Variants in ITPKB observed in about 807,000 individuals in gnomAD.
The protein encoded by ITPKB is inositol-trisphosphate 3-kinase B.
Under a neutral mutation model 69.4 loss-of-function variants are expected in ITPKB, and 13 were observed. The ratio of observed to expected loss-of-function variants is 0.19; its 90% CI spans 0.12 to 0.30. The LOEUF (loss-of-function observed/expected upper bound fraction) is 0.30, where lower values mean the gene tolerates loss of function less well. Ranked by LOEUF, ITPKB falls within the 10% of genes least tolerant of loss-of-function variation. The probability of loss-of-function intolerance (pLI) is 1.00; values close to 1 mark genes in which losing one functional copy is unlikely to be tolerated. For synonymous variants in ITPKB, 584 were observed against 513.7 expected, an observed-to-expected ratio of 1.14 and a Z score of -1.85; for missense variants, 1,240 against 1,250.5, an observed-to-expected ratio of 0.99 and a Z score of 0.13.
chr1:226,650,897 T>C (rs1380372244), intron 2 of ITPKB, among the ~76,000 whole-genome samples: 9 of 152,168 alleles, frequency 5.9e-5, no homozygotes, highest in Non-Finnish European at 1.5e-5. Flanking sequence ...ATGGACACTC[T>C]AGGGCCCTGG....
At position 226,735,583 on chromosome 1, in the gene ITPKB, T is replaced by C; in HGVS notation, c.1876A>G (p.Thr626Ala). The C allele has an allele frequency of 6.3e-7, 1 of 1,580,068 alleles. No homozygotes were observed. Among genetic ancestry groups the C allele is most frequent in the Non-Finnish European group, 8.6e-7 (1 of 1,163,480 alleles). The change falls in exon 2 of 8, where the codon ACC (threonine) becomes GCC (alanine). Residue 626 changes from threonine (T) to alanine (A), a missense_variant. Physicochemically the swap from Thr to Ala is moderately conservative, Grantham distance 58. This residue lies in a region of ITPKB where 992 missense variants were observed against 853.8 expected (regional missense o/e 1.16). Transcript: ENST00000429204. The part of the protein sequence containing the change: ...EEDISSDPER[T>A]LDPNSAFLHT... ...AGGAAGGCTGAGTTGGGGTCCAGGG[T>C]GCGCTCAGGGTCACTGGAGATGTCC...
intron 2 of ITPKB, among the ~76,000 whole-genome samples, chr1:226,675,809 A>G (rs2102770100): frequency 6.6e-6 from 1 of 152,328 alleles, no homozygotes; most frequent in South Asian, 2.1e-4. Flanking sequence ...AGTCTGCATA[A>G]AGCCTTCTTG....
chr1:226,695,920 C>T (rs548922119), intron 2 of ITPKB, among the ~76,000 whole-genome samples: 2 of 152,130 alleles, frequency 1.3e-5, no homozygotes, highest in Admixed American at 6.5e-5. Context: ...GGGGAGGAAA[C>T]GGATGCAAGG....
At chr1:226,648,156 C>A (rs992862626) in intron 3 of ITPKB, among the ~76,000 whole-genome samples, 4 of 152,224 alleles carry the variant, frequency 2.6e-5, no homozygotes, top group Non-Finnish European at 5.9e-5. Context: ...CCGCACACCG[C>A]CCTGCAGTTA....
chr1:226,655,005 T>G (rs1669263753), intron 2 of ITPKB, among the ~76,000 whole-genome samples: 7 of 123,950 alleles, frequency 5.6e-5, no homozygotes, highest in African/African-American at 9.7e-5. Flanking sequence ...AGGAGGAGGG[T>G]ACGAAGAGGA....
chr1:226,716,224 G>A (rs561619478), intron 2 of ITPKB, among the ~76,000 whole-genome samples: 20 of 152,198 alleles, frequency 1.3e-4, no homozygotes, highest in Admixed American at 7.9e-4. Context: ...CCCAAGTTGT[G>A]GCATGCAGTA....
chr1:226,649,308 T>C (rs1179128552), intron 2 of ITPKB, among the ~76,000 whole-genome samples: 1 of 148,214 alleles, frequency 6.7e-6, no homozygotes, highest in South Asian at 2.1e-4. Flanking sequence ...TGCATGTGTG[T>C]GTGCATATGT....
Position 226,692,756 on chromosome 1 carries a change from C to T in ITPKB, c.1932+42771G>A, listed in dbSNP as rs536954120. Among the ~76,000 whole-genome samples the T allele has an allele frequency of 1.5e-4, 23 of 152,288 alleles. No homozygotes were observed. In the East Asian group the frequency reaches 2.7e-3, roughly 18 times the overall value. ...CATGTCACGCAGGGGATTTATTCTTCAAATGTAGAATTGTTAGTGCTCAAA... is the reference window on the plus strand; with the variant it reads ...CATGTCACGCAGGGGATTTATTCTTTAAATGTAGAATTGTTAGTGCTCAAA... On this transcript the variant is annotated intron_variant, in intron 2 of 7. Transcript: ENST00000429204.
chr1:226,703,520 C>T (rs951707360), intron 2 of ITPKB, among the ~76,000 whole-genome samples: 2 of 151,984 alleles, frequency 1.3e-5, no homozygotes, highest in Non-Finnish European at 2.9e-5. Flanking sequence ...CCTCTCTCCT[C>T]CCGCGCGCGC....
At chr1:226,701,840 G>A (rs1401798030) in intron 2 of ITPKB, among the ~76,000 whole-genome samples, 3 of 152,076 alleles carry the variant, frequency 2.0e-5, no homozygotes, top group Non-Finnish European at 4.4e-5. Flanking sequence ...CATGATGACT[G>A]AATCCTTCTG....
chr1:226,710,014 A>C (rs1656902405), intron 2 of ITPKB, among the ~76,000 whole-genome samples: 1 of 152,098 alleles, frequency 6.6e-6, no homozygotes, highest in Non-Finnish European at 1.5e-5. Flanking sequence ...CCCTAATGGG[A>C]AGATTCACAA....
rs566805698 is a variant in ITPKB at position 226,737,355 on chromosome 1, G to T, written c.104C>A (p.Pro35Gln). 42 of 1,605,650 alleles carry T rather than the reference G, an allele frequency of 2.6e-5. No homozygotes were observed. The South Asian group carries it at 4.4e-4, about 17-fold the overall frequency. The change falls in exon 2 of 8, where the codon CCG (proline) becomes CAG (glutamine). Residue 35 changes from proline (P) to glutamine (Q), a missense_variant. Pro to Gln is a moderately conservative substitution (Grantham distance 76). Transcript: ENST00000429204. ...GPGPSGSETP[P>Q]PPRRAVLSPG... The stretch of plus-strand genomic sequence containing the variant: ...GCTCAGCACTGCCCTCCTCGGGGGC[G>T]GGGGCGTCTCGCTGCCACTGGGCCC...
chr1:226,680,811 G>A (rs1487698213), intron 2 of ITPKB, among the ~76,000 whole-genome samples: 2 of 152,120 alleles, frequency 1.3e-5, no homozygotes, highest in African/African-American at 4.8e-5. Context: ...GAAGCCCATA[G>A]GGCACAGGAG....
In ITPKB at chr1:226,648,652, T is replaced by C. The variant is rs1302272671; in HGVS notation, c.2032+20A>G. 6.7e-7 allele frequency: 1 copy of C among 1,489,742 alleles called. No individual in the cohort carries two copies. Among genetic ancestry groups the C allele is most frequent in the Non-Finnish European group, 9.4e-7 (1 of 1,066,388 alleles). 92.3% of individuals were successfully genotyped at this position (1,489,742 alleles called of 1,614,324 possible). ...AGGGCTGAGCACCATGCTGGGAAAG[T>C]CTGGGAGAGCTGTGTCTACCTGCGT... is the stretch of plus-strand genomic sequence containing the variant. On this transcript the variant is annotated intron_variant, in intron 3 of 7. Transcript: ENST00000429204.
At chr1:226,667,067 C>A (rs184881631) in intron 2 of ITPKB, among the ~76,000 whole-genome samples, 1 of 152,174 alleles carries the variant, frequency 6.6e-6, no homozygotes, top group East Asian at 1.9e-4. Flanking sequence ...CTTTACCATG[C>A]GCAATTATCA....
chr1:226,693,269 T>TTC (rs1196208101), intron 2 of ITPKB, among the ~76,000 whole-genome samples: 2 of 152,170 alleles, frequency 1.3e-5, no homozygotes, highest in Non-Finnish European at 2.9e-5. Context: ...CTGAGATCTC[T>TTC]TCGGGCTTCT....
intron 2 of ITPKB, among the ~76,000 whole-genome samples, chr1:226,670,067 G>T (rs998638517): frequency 7.0e-6 from 1 of 143,840 alleles, no homozygotes; most frequent in South Asian, 2.2e-4. Flanking sequence ...TAGAGATGGG[G>T]TTTCACTACT....
At chr1:226,732,593 A>T (rs1167682036) in intron 2 of ITPKB, among the ~76,000 whole-genome samples, 1 of 151,820 alleles carries the variant, frequency 6.6e-6, no homozygotes, top group Non-Finnish European at 1.5e-5. Flanking sequence ...TTTGAAATAA[A>T]TCAATAAAAA....
intron 2 of ITPKB, among the ~76,000 whole-genome samples, chr1:226,683,223 C>T (rs1431747879): frequency 1.3e-5 from 2 of 152,216 alleles, no homozygotes; most frequent in African/African-American, 4.8e-5. Context: ...GCAACACCTC[C>T]CCCTTCGTGC....
Sources: gnomAD v4.1 joint callset for allele counts (sites outside exome capture counted in the v4.1 genomes callset) on GRCh38, gnomAD v4.1.1 for gene constraint, gnomAD v4.1.1 regional missense constraint, MANE v1.5 for transcripts, NCBI Gene and HGNC (gene_info 2026-07-23, HGNC 2026-07-21) for gene names.